Variants in ASCC3 observed in about 807,000 individuals in gnomAD.
ASCC3 encodes ASC-1 complex subunit P200.
A neutral mutation model predicts 256.3 loss-of-function variants in ASCC3; 158 were observed. The observed-to-expected ratio is 0.62, with a 90% confidence interval of 0.54 to 0.70. The LOEUF (loss-of-function observed/expected upper bound fraction) is 0.70, where lower values mean the gene tolerates loss of function less well. ASCC3 is among the 30% of genes least tolerant of loss of function. The probability of loss-of-function intolerance (pLI) is 0.00; values close to 1 mark genes in which losing one functional copy is unlikely to be tolerated. For synonymous variants in ASCC3, 948 were observed against 883.4 expected, an observed-to-expected ratio of 1.07 and a Z score of -1.30; for missense variants, 2,259 against 2,626.0, an observed-to-expected ratio of 0.86 and a Z score of 3.05.
At chr6:100,514,310 T>C (rs1026756506) in intron 39 of ASCC3, among the ~76,000 whole-genome samples, 8 of 152,098 alleles carry the variant, frequency 5.3e-5, no homozygotes, top group Non-Finnish European at 8.8e-5. Flanking sequence ...TAGATGTTCT[T>C]CTAGGACTGG....
intron 39 of ASCC3, among the ~76,000 whole-genome samples, chr6:100,514,059 T>C (rs904441870): frequency 3.9e-5 from 6 of 152,096 alleles, no homozygotes; most frequent in Non-Finnish European, 7.4e-5. Context: ...GTATACCTAA[T>C]TGAAATGAAG....
At chr6:100,810,001 A>G (rs9399694) in intron 4 of ASCC3, among the ~76,000 whole-genome samples, 83,515 of 151,890 alleles carry the variant, frequency 0.55, 23,344 homozygotes, top group South Asian at 0.76. Context: ...ATCTGTTCAC[A>G]TAATACCATG....
chr6:100,635,220 A>T (rs1440426539), intron 25 of ASCC3, among the ~76,000 whole-genome samples: 3 of 152,118 alleles, frequency 2.0e-5, no homozygotes, highest in African/African-American at 2.4e-5. Context: ...TATGTGATAT[A>T]TATGTACACA....
At chr6:100,729,386 C>T (rs6570922) in intron 10 of ASCC3, among the ~76,000 whole-genome samples, 71,257 of 151,962 alleles carry the variant, frequency 0.47, 16,866 homozygotes, top group South Asian at 0.6. Flanking sequence ...GAACAAAGAT[C>T]TGACAAAGCA....
intron 40 of ASCC3, among the ~76,000 whole-genome samples, chr6:100,511,375 A>G (rs1246362449): frequency 6.6e-6 from 1 of 152,040 alleles, no homozygotes; most frequent in Non-Finnish European, 1.5e-5. Flanking sequence ...CTGATGTTGC[A>G]CCCTTGTACT....
chr6:100,721,509 T>A (rs534302225), intron 11 of ASCC3, among the ~76,000 whole-genome samples: 3 of 151,820 alleles, frequency 2.0e-5, no homozygotes, highest in East Asian at 3.9e-4. Context: ...CTTGTAGGAA[T>A]AATGGACCTA....
At chr6:100,607,858 G>A (rs961705307) in intron 30 of ASCC3, among the ~76,000 whole-genome samples, 41 of 149,982 alleles carry the variant, frequency 2.7e-4, no homozygotes, top group African/African-American at 8.5e-4. Context: ...TCTTATCTTC[G>A]ATCAATAGTA....
intron 13 of ASCC3, among the ~76,000 whole-genome samples, chr6:100,686,670 A>T (rs1582696510): frequency 6.6e-6 from 1 of 152,144 alleles, no homozygotes; most frequent in Non-Finnish European, 1.5e-5. Flanking sequence ...ATTAAAAGCA[A>T]TGTAATAAAT....
intron 10 of ASCC3, among the ~76,000 whole-genome samples, chr6:100,741,499 C>T (rs1290796156): frequency 6.6e-6 from 1 of 152,178 alleles, no homozygotes; most frequent in African/African-American, 2.4e-5. Context: ...TCCATTCTCC[C>T]CATCTCGTTT....
intron 8 of ASCC3, among the ~76,000 whole-genome samples, chr6:100,776,264 C>G (rs1782182055): frequency 6.6e-6 from 1 of 152,034 alleles, no homozygotes; most frequent in South Asian, 2.1e-4. Context: ...TCCTTTTAAA[C>G]AGAAAACTGA....
chr6:100,611,163 A>G (rs1304314856), intron 30 of ASCC3, among the ~76,000 whole-genome samples: 1 of 152,164 alleles, frequency 6.6e-6, no homozygotes, highest in Non-Finnish European at 1.5e-5. Flanking sequence ...CCACTTTCAC[A>G]TAAATCAATG....
At chr6:100,846,611 C>T (rs1424986013) in intron 4 of ASCC3, among the ~76,000 whole-genome samples, 1 of 152,178 alleles carries the variant, frequency 6.6e-6, no homozygotes, top group Non-Finnish European at 1.5e-5. Context: ...TTTCTCAGCA[C>T]TCCACCTTTG....
At chr6:100,862,349 C>T (rs1773265250) in intron 3 of ASCC3, among the ~76,000 whole-genome samples, 1 of 152,116 alleles carries the variant, frequency 6.6e-6, no homozygotes, top group African/African-American at 2.4e-5. Flanking sequence ...TATACTTTCA[C>T]AACTTAAAAC....
intron 30 of ASCC3, among the ~76,000 whole-genome samples, chr6:100,612,257 T>G (rs1562166452): frequency 6.6e-6 from 1 of 151,988 alleles, no homozygotes; most frequent in East Asian, 1.9e-4. Context: ...TATAATTCAG[T>G]GAGTTGATGA....
intron 25 of ASCC3, among the ~76,000 whole-genome samples, chr6:100,634,910 C>T (rs985169798): frequency 1.4e-5 from 2 of 147,638 alleles, no homozygotes; most frequent in African/African-American, 5.0e-5. Context: ...AAATAACACA[C>T]ATGTAGGTGA....
chr6:100,785,179 C>T (rs1769005079), intron 8 of ASCC3, among the ~76,000 whole-genome samples: 1 of 151,986 alleles, frequency 6.6e-6, no homozygotes, highest in Non-Finnish European at 1.5e-5. Flanking sequence ...TAACAAAGCA[C>T]CTCAAAAGAG....
chr6:100,595,962 A>G (rs1225940917), intron 34 of ASCC3, among the ~76,000 whole-genome samples: 1 of 152,032 alleles, frequency 6.6e-6, no homozygotes, highest in Non-Finnish European at 1.5e-5. Context: ...TGCTTATTTT[A>G]TTTTTAAGCA....
chr6:100,808,561 G>A (rs968699487), intron 4 of ASCC3, among the ~76,000 whole-genome samples: 2 of 151,874 alleles, frequency 1.3e-5, no homozygotes, highest in African/African-American at 4.8e-5. Flanking sequence ...GCAGGTATGA[G>A]AATCTGCTTT....
chr6:100,598,805 A>C (rs887106040), intron 34 of ASCC3, among the ~76,000 whole-genome samples: 5 of 152,176 alleles, frequency 3.3e-5, no homozygotes, highest in Non-Finnish European at 7.3e-5. Context: ...AACCTTATCT[A>C]GTTCCCACCC....
Sources: gnomAD v4.1 joint callset for allele counts (sites outside exome capture counted in the v4.1 genomes callset) on GRCh38, gnomAD v4.1.1 for gene constraint, MANE v1.5 for transcripts, NCBI Gene and HGNC (gene_info 2026-07-23, HGNC 2026-07-21) for gene names.